The following R3HDM1 variants were observed in gnomAD, a reference collection of about 807,000 sequenced individuals.
R3HDM1 encodes the protein R3H domain containing 1.
Under a neutral mutation model 141.1 loss-of-function variants are expected in R3HDM1, and 46 were observed. That is an observed-to-expected ratio of 0.33 (90% CI 0.26 to 0.42). The LOEUF (loss-of-function observed/expected upper bound fraction) is 0.42, where lower values mean the gene tolerates loss of function less well. R3HDM1 is among the 10% of genes least tolerant of loss of function. The pLI, the probability that R3HDM1 is intolerant of heterozygous loss-of-function variation, is 1.00. For missense variants in R3HDM1, 1,184 were observed against 1,368.3 expected (o/e 0.87, Z 2.12); for synonymous variants, 435 against 472.9 (o/e 0.92, Z 1.04).
At chr2:135,544,880 G>A (rs1027795597) in intron 1 of R3HDM1, among the ~76,000 whole-genome samples, 6 of 152,096 alleles carry the variant, frequency 3.9e-5, no homozygotes, top group African/African-American at 1.4e-4. Flanking sequence ...CGTGAGATTC[G>A]TTTCAACCCC....
At chr2:135,547,918 C>T (rs546477198) in intron 1 of R3HDM1, among the ~76,000 whole-genome samples, 21 of 151,858 alleles carry the variant, frequency 1.4e-4, no homozygotes, top group Non-Finnish European at 2.4e-4. Flanking sequence ...GGACTACAGG[C>T]GCGTGCCACC....
chr2:135,679,059 C>G (rs982114051), intron 20 of R3HDM1, among the ~76,000 whole-genome samples: 16 of 136,394 alleles, frequency 1.2e-4, no homozygotes, highest in South Asian at 7.1e-4. Context: ...GTGCCCAGCC[C>G]GGCTTTCTTT....
intron 5 of R3HDM1, among the ~76,000 whole-genome samples, chr2:135,617,281 C>T (rs919983187): frequency 1.1e-4 from 16 of 151,976 alleles, no homozygotes; most frequent in African/African-American, 2.7e-4. Context: ...GAGCCCAGAT[C>T]GCACCACTGC....
At chr2:135,608,317 AAAT>A (rs146123639) in intron 3 of R3HDM1, among the ~76,000 whole-genome samples, 49 of 150,602 alleles carry the variant, frequency 3.3e-4, no homozygotes, top group African/African-American at 7.6e-4. Context: ...CTCCATCTCA[AAAT>A]AATAATAATA....
At position 135,724,209 on chromosome 2, in the gene R3HDM1, A is replaced by G. The variant is rs1046342429; in HGVS notation, c.3322A>G (p.Ile1108Val). The G allele has an allele frequency of 2.5e-6, 4 of 1,613,958 alleles. No individual in the cohort carries two copies. In the African/African-American group the frequency reaches 5.3e-5, roughly 22 times the overall value. Residue 1108 changes from isoleucine (I) to valine (V), a missense_variant, in exon 27 of 27, where the codon ATT becomes GTT. Ile to Val is a conservative substitution (Grantham distance 29). Coordinates refer to ENST00000683871, the MANE Select transcript of R3HDM1 (RefSeq NM_001378107.1). ...TGCACAGAATGCACTGAAGAAACAA[A>G]TTAACTCAGTTAACAAGTTTAAGCT... ...SAAQNALKKQINSVNKFKLRT... is the reference protein window; with the variant it reads ...SAAQNALKKQVNSVNKFKLRT...
intron 1 of R3HDM1, chr2:135,549,891 C>A: frequency 1.3e-6 from 1 of 796,816 alleles, no homozygotes; most frequent in Non-Finnish European, 1.5e-6. Flanking sequence ...GTTTGATTTT[C>A]ACCTCATTTA....
chr2:135,581,464 G>A lies in R3HDM1; in HGVS notation c.-249-21036G>A, dbSNP rs903129204. ...CTCATTTCACCATTGGTTGTGGACT[G>A]TTGATTGACCTCACCTGACTGACTA... is the stretch of plus-strand genomic sequence containing the variant. On this transcript the variant is annotated intron_variant, in intron 1 of 26. Coordinates refer to ENST00000683871, the MANE Select transcript of R3HDM1 (RefSeq NM_001378107.1). 5.4e-6 allele frequency: 5 copies of A among 917,564 alleles called. No homozygotes were observed. The African/African-American group carries it at 7.2e-5, about 13-fold the overall frequency. The allele number at this position is 917,564 out of a possible 1,614,324, so 56.8% of individuals were successfully genotyped here.
At chr2:135,678,110 G>A (rs1303734016) in intron 20 of R3HDM1, among the ~76,000 whole-genome samples, 1 of 151,910 alleles carries the variant, frequency 6.6e-6, no homozygotes, top group African/African-American at 2.4e-5. Flanking sequence ...GATTACAGGC[G>A]CATGCCACCA....
At chr2:135,559,893 A>G (rs1701473070) in intron 1 of R3HDM1, among the ~76,000 whole-genome samples, 1 of 152,246 alleles carries the variant, frequency 6.6e-6, no homozygotes, top group South Asian at 2.1e-4. Flanking sequence ...GGAAAAAGAG[A>G]TACACTCTTA....
intron 1 of R3HDM1, chr2:135,533,983 G>T: frequency 1.0e-6 from 1 of 985,078 alleles, no homozygotes; most frequent in Non-Finnish European, 1.2e-6. Flanking sequence ...CATATTTAGA[G>T]AATGGGTTTG....
chr2:135,677,443 C>G (rs2069395052), intron 20 of R3HDM1, among the ~76,000 whole-genome samples: 1 of 152,134 alleles, frequency 6.6e-6, no homozygotes, highest in South Asian at 2.1e-4. Context: ...CTCAAAGACT[C>G]TGGTTCTACT....
At chr2:135,634,987 G>C (rs538437220) in intron 9 of R3HDM1, among the ~76,000 whole-genome samples, 1 of 152,268 alleles carries the variant, frequency 6.6e-6, no homozygotes, top group East Asian at 1.9e-4. Context: ...CCTTGTGTTT[G>C]TCCTCTAGAT....
At chr2:135,595,669 T>C (rs1412553029) in intron 1 of R3HDM1, among the ~76,000 whole-genome samples, 2 of 152,242 alleles carry the variant, frequency 1.3e-5, no homozygotes, top group Non-Finnish European at 2.9e-5. Flanking sequence ...TTATCTTGTA[T>C]ATTTTGTCTC....
chr2:135,572,994 G>A (rs1293101989), intron 1 of R3HDM1, among the ~76,000 whole-genome samples: 1 of 152,178 alleles, frequency 6.6e-6, no homozygotes, highest in Non-Finnish European at 1.5e-5. Flanking sequence ...TCTCGGGCTG[G>A]ATGGGGAATG....
chr2:135,643,437 G>T (rs888747576), intron 15 of R3HDM1, among the ~76,000 whole-genome samples: 1 of 151,652 alleles, frequency 6.6e-6, no homozygotes, highest in Non-Finnish European at 1.5e-5. Flanking sequence ...AAATGGAAAG[G>T]GATTTACTAT....
chr2:135,643,539 A>T (rs1356959368), intron 15 of R3HDM1, among the ~76,000 whole-genome samples: 2 of 152,142 alleles, frequency 1.3e-5, no homozygotes, highest in African/African-American at 4.8e-5. Context: ...ATCATTGCAC[A>T]GTTACTTTTT....
chr2:135,623,135 T>G, intron 7 of R3HDM1: 1 of 755,778 alleles, frequency 1.3e-6, no homozygotes, highest in Non-Finnish European at 1.6e-6. Context: ...CTTGCTGAGT[T>G]TATAAATCAT....
At chr2:135,578,325 A>G (rs530308539) in intron 1 of R3HDM1, among the ~76,000 whole-genome samples, 37 of 152,342 alleles carry the variant, frequency 2.4e-4, no homozygotes, top group African/African-American at 8.9e-4. Flanking sequence ...TGTGTGAAAG[A>G]AATACCAGAA....
At chr2:135,584,077 C>G in intron 1 of R3HDM1, 4 of 983,256 alleles carry the variant, frequency 4.1e-6, no homozygotes, top group Non-Finnish European at 4.8e-6. Flanking sequence ...CCTGTAATCC[C>G]AGCACTTTGG....
Sources: allele counts gnomAD v4.1 joint callset (sites outside exome capture counted in the v4.1 genomes callset), GRCh38; gene constraint gnomAD v4.1.1; transcripts MANE v1.5; gene names NCBI Gene and HGNC (gene_info 2026-07-23, HGNC 2026-07-21).